DOCK7: variants seen among roughly 807,000 people sequenced by gnomAD.
DOCK7 encodes dedicator of cytokinesis 7.
In DOCK7, 138 loss-of-function variants were observed where a neutral mutation model predicts 271.0. The observed-to-expected ratio is 0.51, with a 90% CI of 0.44 to 0.59. DOCK7 has a LOEUF of 0.59. Ranked by LOEUF, DOCK7 falls within the 20% of genes least tolerant of loss-of-function variation. DOCK7 has a pLI of 0.00. For missense variants in DOCK7, 2,066 were observed against 2,592.4 expected (o/e 0.80, Z 4.41); for synonymous variants, 823 against 876.1 (o/e 0.94, Z 1.07).
At chr1:62,676,771 G>A (rs1660587750) in intron 1 of DOCK7, among the ~76,000 whole-genome samples, 1 of 152,170 alleles carries the variant, frequency 6.6e-6, no homozygotes, top group Non-Finnish European at 1.5e-5. Context: ...GTTTTCTGGT[G>A]TCACAGGGCA....
intron 14 of DOCK7, among the ~76,000 whole-genome samples, chr1:62,589,456 C>A (rs920800355): frequency 6.6e-6 from 1 of 152,162 alleles, no homozygotes; most frequent in Middle Eastern, 3.4e-3. Context: ...TATGACAAGA[C>A]GTTCCAGACT....
chr1:62,512,902 A>ATCTGTC (rs1644530566), intron 33 of DOCK7, among the ~76,000 whole-genome samples: 1 of 151,184 alleles, frequency 6.6e-6, no homozygotes, highest in Non-Finnish European at 1.5e-5. Flanking sequence ...CAGAGCGAGA[A>ATCTGTC]TCTGTCTCAA....
intron 34 of DOCK7, 32 bp from the exon 35 acceptor site, chr1:62,508,090 A>C: frequency 6.5e-7 from 1 of 1,546,344 alleles, no homozygotes; most frequent in Non-Finnish European, 8.7e-7. Context: ...AATTATATTT[A>C]TCTTTTTGAA....
intron 10 of DOCK7, among the ~76,000 whole-genome samples, chr1:62,632,577 T>C (rs994054587): frequency 4.6e-5 from 7 of 152,250 alleles, no homozygotes; most frequent in African/African-American, 1.7e-4. Flanking sequence ...TTAAATCTTG[T>C]GTTCAAAGAT....
At chr1:62,677,415 T>C (rs1660653452) in intron 1 of DOCK7, among the ~76,000 whole-genome samples, 1 of 152,152 alleles carries the variant, frequency 6.6e-6, no homozygotes, top group African/African-American at 2.4e-5. Flanking sequence ...AGTGGCCATT[T>C]TGTGGAAAAC....
At chr1:62,573,671 G>A (rs932646537) in intron 18 of DOCK7, among the ~76,000 whole-genome samples, 1 of 151,916 alleles carries the variant, frequency 6.6e-6, no homozygotes, top group Non-Finnish European at 1.5e-5. Context: ...ATTTTAAAAG[G>A]CTTGTTTTCA....
intron 12 of DOCK7, among the ~76,000 whole-genome samples, chr1:62,623,223 A>G (rs1653507393): frequency 6.6e-6 from 1 of 152,246 alleles, no homozygotes; most frequent in South Asian, 2.1e-4. Flanking sequence ...TTAAAATGGT[A>G]ATCTCTTTTT....
intron 25 of DOCK7, among the ~76,000 whole-genome samples, chr1:62,541,375 T>C (rs552157165): frequency 6.6e-6 from 1 of 152,306 alleles, no homozygotes; most frequent in South Asian, 2.1e-4. Flanking sequence ...CATATACAAG[T>C]TTATATGTAC....
At chr1:62,594,179 C>G (rs764639664) in intron 14 of DOCK7, among the ~76,000 whole-genome samples, 1 of 152,048 alleles carries the variant, frequency 6.6e-6, no homozygotes, top group Non-Finnish European at 1.5e-5. Flanking sequence ...TAAATAGGCA[C>G]AAGTTCAAGC....
chr1:62,474,386 A>G (rs1283124633), intron 47 of DOCK7, among the ~76,000 whole-genome samples: 1 of 152,170 alleles, frequency 6.6e-6, no homozygotes, highest in African/African-American at 2.4e-5. Flanking sequence ...CACATTCTTT[A>G]ATGTATCCTG....
At chr1:62,613,233 T>C (rs1652016456) in intron 14 of DOCK7, among the ~76,000 whole-genome samples, 1 of 152,188 alleles carries the variant, frequency 6.6e-6, no homozygotes. Flanking sequence ...AGTACTTCCT[T>C]GATAAAGCAA....
chr1:62,594,514 T>C (rs1053028060), intron 14 of DOCK7, among the ~76,000 whole-genome samples: 2 of 152,072 alleles, frequency 1.3e-5, no homozygotes, highest in African/African-American at 2.4e-5. Flanking sequence ...GGATATAATA[T>C]AGAAGGAAAT....
At chr1:62,673,638 A>G (rs1223834874) in intron 1 of DOCK7, among the ~76,000 whole-genome samples, 1 of 152,214 alleles carries the variant, frequency 6.6e-6, no homozygotes, top group East Asian at 1.9e-4. Context: ...CATTATAAAA[A>G]TAAACCCAGA....
intron 29 of DOCK7, among the ~76,000 whole-genome samples, chr1:62,535,198 T>C (rs1046190013): frequency 3.3e-5 from 5 of 152,194 alleles, no homozygotes; most frequent in African/African-American, 1.2e-4. Context: ...TCTACTAATA[T>C]GCATAATTTA....
chr1:62,500,310 CAT>C (rs1646744202), intron 37 of DOCK7, among the ~76,000 whole-genome samples: 2 of 151,942 alleles, frequency 1.3e-5, no homozygotes, highest in Non-Finnish European at 1.5e-5. Flanking sequence ...AAAACAATAA[CAT>C]ATAATCAATT....
chr1:62,560,712 G>A (rs1189460876), intron 19 of DOCK7, among the ~76,000 whole-genome samples: 3 of 152,096 alleles, frequency 2.0e-5, no homozygotes, highest in South Asian at 4.1e-4. Flanking sequence ...CATCATCTGA[G>A]TTGTCCACTC....
At chr1:62,555,671 T>TC (rs1269569878) in intron 21 of DOCK7, among the ~76,000 whole-genome samples, 154 bp downstream of exon 21, 1 of 152,224 alleles carries the variant, frequency 6.6e-6, no homozygotes, top group Non-Finnish European at 1.5e-5. Flanking sequence ...CTCTTTAACT[T>TC]CAGCACCTAG....
At chr1:62,604,153 A>C (rs746286000) in intron 14 of DOCK7, 1 of 1,613,458 alleles carries the variant, frequency 6.2e-7, no homozygotes, top group South Asian at 1.1e-5. Context: ...TCCCCAATGC[A>C]ATCCCGGAAA....
chr1:62,460,720 G>C (rs923609144), intron 48 of DOCK7, among the ~76,000 whole-genome samples: 3 of 151,660 alleles, frequency 2.0e-5, no homozygotes, highest in African/African-American at 7.3e-5. Context: ...GCAGTGGCAC[G>C]ATCTCAGCTC....
Sources: allele counts gnomAD v4.1 joint callset (sites outside exome capture counted in the v4.1 genomes callset), GRCh38; gene constraint gnomAD v4.1.1; transcripts MANE v1.5; gene names NCBI Gene and HGNC (gene_info 2026-07-23, HGNC 2026-07-21).